PEBP4: variants seen among roughly 807,000 people sequenced by gnomAD.
PEBP4 encodes phosphatidylethanolamine binding protein 4.
In PEBP4, 22 loss-of-function variants were observed where a neutral mutation model predicts 23.9. The ratio of observed to expected loss-of-function variants is 0.92; its 90% CI spans 0.66 to 1.31. PEBP4 has a LOEUF of 1.31. Ranked by LOEUF, PEBP4 falls within the 40% of genes most tolerant of loss-of-function variation. PEBP4 has a pLI of 0.00. For synonymous variants in PEBP4, 112 were observed against 99.3 expected, an observed-to-expected ratio of 1.13 and a Z score of -0.76; for missense variants, 324 against 281.7, an observed-to-expected ratio of 1.15 and a Z score of -1.07.
intron 4 of PEBP4, among the ~76,000 whole-genome samples, chr8:22,758,721 A>C (rs1023002420): frequency 6.6e-6 from 1 of 152,192 alleles, no homozygotes; most frequent in African/African-American, 2.4e-5. Flanking sequence ...CTCTCAGCAG[A>C]TGGGAGCTGA....
At chr8:22,802,742 C>T (rs1349849740) in intron 4 of PEBP4, among the ~76,000 whole-genome samples, 1 of 152,196 alleles carries the variant, frequency 6.6e-6, no homozygotes, top group African/African-American at 2.4e-5. Context: ...TCGCGAGGAA[C>T]TTGGAGCTTG....
At chr8:22,761,270 C>T (rs919782232) in intron 4 of PEBP4, among the ~76,000 whole-genome samples, 1 of 152,074 alleles carries the variant, frequency 6.6e-6, no homozygotes, top group Non-Finnish European at 1.5e-5. Context: ...GTGTGAACCC[C>T]TCTAGCCTTA....
intron 6 of PEBP4, among the ~76,000 whole-genome samples, chr8:22,719,871 G>C (rs895485410): frequency 6.6e-6 from 1 of 152,204 alleles, no homozygotes; most frequent in Non-Finnish European, 1.5e-5. Context: ...GGAGGACGTC[G>C]ATCAATGCAG....
intron 4 of PEBP4, among the ~76,000 whole-genome samples, chr8:22,773,596 C>T (rs755378725): frequency 2.0e-5 from 3 of 152,124 alleles, no homozygotes; most frequent in Non-Finnish European, 4.4e-5. Context: ...TGCTCATACC[C>T]GAAGCTAGCA....
At chr8:22,933,760 C>G (rs1809496429) in intron 1 of PEBP4, among the ~76,000 whole-genome samples, 1 of 152,226 alleles carries the variant, frequency 6.6e-6, no homozygotes, top group African/African-American at 2.4e-5. Flanking sequence ...GGTAAACACA[C>G]AGCAAATTAA....
chr8:22,770,165 G>C (rs1170497987), intron 4 of PEBP4, among the ~76,000 whole-genome samples: 4 of 152,212 alleles, frequency 2.6e-5, no homozygotes, highest in Non-Finnish European at 4.4e-5. Context: ...GGGCACCTTT[G>C]TGTGAATGAG....
At chr8:22,747,972 C>G (rs945795280) in intron 4 of PEBP4, among the ~76,000 whole-genome samples, 2 of 152,184 alleles carry the variant, frequency 1.3e-5, no homozygotes, top group Non-Finnish European at 2.9e-5. Flanking sequence ...TTCGTCCCAG[C>G]CTGGGTGGAG....
chr8:22,794,498 T>C (rs1406640094), intron 4 of PEBP4, among the ~76,000 whole-genome samples: 1 of 152,228 alleles, frequency 6.6e-6, no homozygotes, highest in African/African-American at 2.4e-5. Context: ...TTGGCTACCC[T>C]GGTCTCGAAT....
At chr8:22,827,526 A>ATTTTTTGTGTTG (rs1563229531) in intron 3 of PEBP4, among the ~76,000 whole-genome samples, 1 of 152,074 alleles carries the variant, frequency 6.6e-6, no homozygotes, top group Non-Finnish European at 1.5e-5. Context: ...TCTTTTACTC[A>ATTTTTTGTGTTG]GCGTAATGTT....
rs535059130 is a variant in PEBP4, at chr8:22,714,464, T to C, written c.518-928A>G. ...GTGTGAGCGTGTCCCACATTCTGCA[T>C]GGAGCATCCTTACATGAATTTTTTT... On this transcript the variant is annotated intron_variant, in intron 6 of 6. Transcript: ENST00000256404. Among the ~76,000 whole-genome samples, 12 of 152,070 alleles carry C rather than the reference T, an allele frequency of 7.9e-5. No individual in the cohort carries two copies. The South Asian group carries it at 2.5e-3, about 32-fold the overall frequency.
At chr8:22,934,729 C>A (rs1359657852) in intron 1 of PEBP4, among the ~76,000 whole-genome samples, 4 of 152,090 alleles carry the variant, frequency 2.6e-5, no homozygotes. Context: ...AAACAAATAA[C>A]AAAATGGCAA....
chr8:22,884,750 C>A (rs903835811), intron 3 of PEBP4: 1 of 152,220 alleles, frequency 6.6e-6, no homozygotes, highest in African/African-American at 2.4e-5. Flanking sequence ...ATTCAACATC[C>A]TCTCTCTCTT....
intron 3 of PEBP4, among the ~76,000 whole-genome samples, chr8:22,835,817 A>G (rs1040054): frequency 0.63 from 96,260 of 152,128 alleles, 30,975 homozygotes; most frequent in East Asian, 0.87. Context: ...GCGCATGGCA[A>G]CCCCTCAGAT....
intron 4 of PEBP4, among the ~76,000 whole-genome samples, chr8:22,789,455 C>T (rs1216961736): frequency 2.6e-5 from 4 of 152,086 alleles, no homozygotes; most frequent in Non-Finnish European, 4.4e-5. Flanking sequence ...TATGCTGGTA[C>T]GTTTGCCACC....
chr8:22,723,295 G>T (rs981954310), intron 6 of PEBP4, among the ~76,000 whole-genome samples: 1 of 152,116 alleles, frequency 6.6e-6, no homozygotes, highest in African/African-American at 2.4e-5. Flanking sequence ...GTTTCTGGAG[G>T]ACAGGCTGTG....
chr8:22,835,649 A>G (rs1473478939), intron 3 of PEBP4, among the ~76,000 whole-genome samples: 1 of 152,184 alleles, frequency 6.6e-6, no homozygotes, highest in Non-Finnish European at 1.5e-5. Flanking sequence ...GATCTTCCAC[A>G]GCCTCCCAGC....
chr8:22,778,776 T>C (rs946847546), intron 4 of PEBP4, among the ~76,000 whole-genome samples: 1 of 152,142 alleles, frequency 6.6e-6, no homozygotes, highest in African/African-American at 2.4e-5. Context: ...CCAGCCTTCC[T>C]TCTTGCCCTA....
chr8:22,852,373 G>T (rs1022422461), intron 3 of PEBP4, among the ~76,000 whole-genome samples: 1 of 152,046 alleles, frequency 6.6e-6, no homozygotes, highest in African/African-American at 2.4e-5. Context: ...CTGATTACAC[G>T]AACACATTTG....
intron 3 of PEBP4, among the ~76,000 whole-genome samples, chr8:22,894,187 C>G (rs1411299767): frequency 6.7e-6 from 1 of 149,238 alleles, no homozygotes; most frequent in Non-Finnish European, 1.5e-5. Flanking sequence ...ATTATTATGT[C>G]AGAATGATGA....
Sources: gnomAD v4.1 joint callset for allele counts (sites outside exome capture counted in the v4.1 genomes callset) on GRCh38, gnomAD v4.1.1 for gene constraint, MANE v1.5 for transcripts, NCBI Gene and HGNC (gene_info 2026-07-23, HGNC 2026-07-21) for gene names.